SESTD1: variants seen among roughly 807,000 people sequenced by gnomAD.
SESTD1 encodes the protein SEC14 and spectrin domain containing 1, also known as SEC14 domain and spectrin repeat-containing protein 1.
In SESTD1, 43 loss-of-function variants were observed where a neutral mutation model predicts 101.7. The ratio of observed to expected loss-of-function variants is 0.42; its 90% CI spans 0.33 to 0.55. SESTD1 has a LOEUF of 0.55. SESTD1 is among the 20% of genes least tolerant of loss of function. The pLI is 0.07. For missense variants in SESTD1, 647 were observed against 815.1 expected, an observed-to-expected ratio of 0.79 and a Z score of 2.51; for synonymous variants, 283 against 286.8, an observed-to-expected ratio of 0.99 and a Z score of 0.13.
chr2:179,211,654 T>G (rs2046652445), intron 1 of SESTD1, among the ~76,000 whole-genome samples: 2 of 133,168 alleles, frequency 1.5e-5, no homozygotes, highest in South Asian at 5.8e-4. Context: ...CACAAACACA[T>G]CATGGAATAC....
At chr2:179,196,952 G>T (rs193235013) in intron 1 of SESTD1, among the ~76,000 whole-genome samples, 1 of 152,194 alleles carries the variant, frequency 6.6e-6, no homozygotes, top group East Asian at 1.9e-4. Context: ...AACAAAGCTG[G>T]ACGGAGAATG....
chr2:179,154,560 G>A (rs1442889330), intron 5 of SESTD1, among the ~76,000 whole-genome samples: 1 of 152,054 alleles, frequency 6.6e-6, no homozygotes, highest in East Asian at 1.9e-4. Flanking sequence ...TCATGATCAA[G>A]GAACACATCA....
intron 10 of SESTD1, among the ~76,000 whole-genome samples, chr2:179,124,836 T>C (rs569338967): frequency 1.3e-5 from 2 of 152,286 alleles, no homozygotes; most frequent in South Asian, 4.1e-4. Context: ...ATGTCTGACA[T>C]ACTGCAAGCC....
rs566979280 is a variant in SESTD1 at position 179,219,102 on chromosome 2, T to G, written c.-25-27236A>C. 6.6e-5 allele frequency among the ~76,000 whole-genome samples: 10 copies of G among 152,086 alleles called. No homozygotes were observed. The East Asian group carries it at 1.9e-3, about 29-fold the overall frequency. On this transcript the variant is annotated intron_variant, in intron 1 of 17. Coordinates refer to ENST00000428443, the MANE Select transcript of SESTD1 (RefSeq NM_178123.5). The stretch of plus-strand genomic sequence containing the variant: ...AGCCACCCAAGATCCCGCAGCTACA[T>G]AAGTTGCTGGATGCCAAGAACAGCA...
intron 10 of SESTD1, among the ~76,000 whole-genome samples, chr2:179,130,934 T>A (rs1364573779): frequency 4.6e-5 from 7 of 152,130 alleles, no homozygotes. Flanking sequence ...ACAGGGTTTG[T>A]AATATGATTA....
At chr2:179,172,718 C>T (rs1240341474) in intron 4 of SESTD1, among the ~76,000 whole-genome samples, 1 of 152,066 alleles carries the variant, frequency 6.6e-6, no homozygotes, top group South Asian at 2.1e-4. Flanking sequence ...AAGAAGAGGA[C>T]AAAAAGCTAA....
intron 1 of SESTD1, among the ~76,000 whole-genome samples, chr2:179,222,181 C>G (rs1559149756): frequency 6.6e-6 from 1 of 152,146 alleles, no homozygotes; most frequent in African/African-American, 2.4e-5. Context: ...AAAGATCTCT[C>G]TACTATGGGA....
intron 14 of SESTD1, 107 bp from the exon 15 acceptor site, chr2:179,116,897 A>ATTATAACCTAAAGTC (rs1453212406): frequency 3.6e-6 from 5 of 1,402,918 alleles, no homozygotes; most frequent in Non-Finnish European, 4.8e-6. Context: ...AAATCCGTTA[A>ATTATAACCTAAAGTC]TTATAACCTA....
chr2:179,149,965 T>C (rs1005583271), intron 6 of SESTD1, among the ~76,000 whole-genome samples: 7 of 152,184 alleles, frequency 4.6e-5, no homozygotes, highest in Non-Finnish European at 1.0e-4. Context: ...CAGTAGCTCA[T>C]GCCTGTAATC....
At chr2:179,237,871 G>T (rs935547007) in intron 1 of SESTD1, among the ~76,000 whole-genome samples, 2 of 152,068 alleles carry the variant, frequency 1.3e-5, no homozygotes, top group Admixed American at 1.3e-4. Context: ...ATTTGGAAAT[G>T]AAACTGTAAG....
intron 3 of SESTD1, among the ~76,000 whole-genome samples, chr2:179,182,521 G>C (rs1349491242): frequency 6.6e-6 from 1 of 152,032 alleles, no homozygotes; most frequent in African/African-American, 2.4e-5. Flanking sequence ...CAGATGGGGA[G>C]GAAGCTTTAT....
rs181382198 is a variant in SESTD1, at chr2:179,155,812, A to G, written c.370-4421T>C. Among the ~76,000 whole-genome samples, 7 of 152,082 alleles carry G rather than the reference A, an allele frequency of 4.6e-5. No individual in the cohort carries two copies. In the East Asian group the frequency reaches 7.7e-4, roughly 17 times the overall value. On this transcript the variant is annotated intron_variant, in intron 5 of 17. Transcript: ENST00000428443. ...TACATGAGTAATTTCTTTAGTGGTG[A>G]TTTGTGAGATTTTGGTGCACCCATC...
chr2:179,205,484 G>A (rs1318745589), intron 1 of SESTD1, among the ~76,000 whole-genome samples: 3 of 134,126 alleles, frequency 2.2e-5, no homozygotes, highest in Admixed American at 1.5e-4. Context: ...AAGGGAAAAG[G>A]AAAATGGTTT....
At chr2:179,196,749 T>C (rs2046403041) in intron 1 of SESTD1, among the ~76,000 whole-genome samples, 1 of 152,192 alleles carries the variant, frequency 6.6e-6, no homozygotes, top group Non-Finnish European at 1.5e-5. Flanking sequence ...CTGAGGGTCC[T>C]GTCTGTTAGA....
At chr2:179,199,787 G>T (rs536136738) in intron 1 of SESTD1, among the ~76,000 whole-genome samples, 1 of 152,266 alleles carries the variant, frequency 6.6e-6, no homozygotes, top group Middle Eastern at 3.4e-3. Context: ...AATAAATTAG[G>T]TATTGATGGG....
In SESTD1 at chr2:179,116,662, T is replaced by G. The variant is rs944470604; in HGVS notation, c.1647+6A>C. The stretch of plus-strand genomic sequence containing the variant: ...TTGTGGAAAAGGAAGATAACCAGTT[T>G]TGCACCTGTGCAACATCAACAAATT... On this transcript the variant is annotated splice_donor_region_variant and intron_variant, in intron 15 of 17. Coordinates refer to ENST00000428443, the MANE Select transcript of SESTD1 (RefSeq NM_178123.5). The G allele has an allele frequency of 6.2e-7, 1 of 1,613,972 alleles. No homozygotes were observed. The highest frequency in any genetic ancestry group is 1.3e-5 in the African/African-American group (1 of 74,942).
At chr2:179,120,125 A>C (rs1022096506) in intron 13 of SESTD1, among the ~76,000 whole-genome samples, 2 of 152,064 alleles carry the variant, frequency 1.3e-5, no homozygotes, top group African/African-American at 4.8e-5. Flanking sequence ...GCTACTCGGA[A>C]GGCTGAGGCA....
intron 1 of SESTD1, among the ~76,000 whole-genome samples, chr2:179,257,303 A>C (rs1459710574): frequency 6.6e-6 from 1 of 152,230 alleles, no homozygotes; most frequent in East Asian, 1.9e-4. Context: ...GTAGCTATAA[A>C]CACTAAGGTA....
chr2:179,183,527 A>T (rs2046155067), intron 2 of SESTD1, among the ~76,000 whole-genome samples: 1 of 152,152 alleles, frequency 6.6e-6, no homozygotes, highest in African/African-American at 2.4e-5. Context: ...AAATAAAATA[A>T]ATTTCCAATC....
Sources: allele counts gnomAD v4.1 joint callset (sites outside exome capture counted in the v4.1 genomes callset), GRCh38; gene constraint gnomAD v4.1.1; transcripts MANE v1.5; gene names NCBI Gene and HGNC (gene_info 2026-07-23, HGNC 2026-07-21).